The following ATP13A5 variants were observed in gnomAD, a reference collection of about 807,000 sequenced individuals.
The protein encoded by ATP13A5 is ATPase 13A5.
A neutral mutation model predicts 150.2 loss-of-function variants in ATP13A5; 149 were observed. That is an observed-to-expected ratio of 0.99 (90% confidence interval 0.87 to 1.14). The LOEUF (loss-of-function observed/expected upper bound fraction) is 1.14. Among genes scored for constraint, ATP13A5 ranks in the 50% most tolerant of loss-of-function variants. The pLI is 0.00. For missense variants in ATP13A5, 1,383 were observed against 1,449.3 expected, an observed-to-expected ratio of 0.95 and a Z score of 0.74; for synonymous variants, 497 against 522.2, an observed-to-expected ratio of 0.95 and a Z score of 0.66.
chr3:193,366,500 T>C (rs1476493587), intron 1 of ATP13A5, among the ~76,000 whole-genome samples: 1 of 151,930 alleles, frequency 6.6e-6, no homozygotes, highest in Non-Finnish European at 1.5e-5. Flanking sequence ...AAAAATACTA[T>C]GAGAGCAAAG....
rs1002434740 is a variant in ATP13A5 at position 193,274,839 on chromosome 3, A to AT, written c.*202dup. The AT allele has an allele frequency of 8.4e-5, 56 of 663,328 alleles. No homozygotes were observed. Among genetic ancestry groups the AT allele is most frequent in the Middle Eastern group, 8.5e-4 (2 of 2,350 alleles). 41.1% of individuals were successfully genotyped at this position (663,328 alleles called of 1,614,324 possible). Reference sequence around the variant, plus strand: ...TTGAAAAGGATGATACAGGAAATGCATTTTTTTCTCTCATTGGTAAAGCAT... The same window carrying AT: ...TTGAAAAGGATGATACAGGAAATGCATTTTTTTTCTCTCATTGGTAAAGCAT... On this transcript the variant is annotated 3_prime_UTR_variant, in exon 30 of 30. Coordinates refer to ENST00000342358, the MANE Select transcript of ATP13A5 (RefSeq NM_198505.4).
At chr3:193,349,757 C>A (rs1315795734) in intron 7 of ATP13A5, among the ~76,000 whole-genome samples, 4 of 152,016 alleles carry the variant, frequency 2.6e-5, no homozygotes, top group Admixed American at 2.6e-4. Context: ...ACTCCAGAAA[C>A]TGATGAATCC....
chr3:193,317,211 G>T (rs974921116), intron 17 of ATP13A5, among the ~76,000 whole-genome samples: 8 of 152,138 alleles, frequency 5.3e-5, no homozygotes. Context: ...TTAAATGTCT[G>T]TTAAAATGTT....
chr3:193,362,773 C>A (rs1203199316), intron 3 of ATP13A5, 136 bp from the exon 4 acceptor site: 1 of 441,534 alleles, frequency 2.3e-6, no homozygotes, highest in Non-Finnish European at 4.0e-6. Context: ...TTCTTTCTTT[C>A]TTTCTTTCTT....
In ATP13A5 at chr3:193,335,114, AT is replaced by A. The variant is rs773835663; in HGVS notation, c.944-16del. 8.7e-6 allele frequency: 14 copies of A among 1,612,402 alleles called. No homozygotes were observed. The African/African-American group carries it at 1.2e-4, about 14-fold the overall frequency. On this transcript the variant is annotated splice_polypyrimidine_tract_variant and intron_variant, in intron 9 of 29. Coordinates refer to ENST00000342358, the MANE Select transcript of ATP13A5 (RefSeq NM_198505.4). ...TATACTTTCTCCTAAAGAGGATTGT[AT>A]TTTGTTGAATCTATGTAAGCTCAGG... is the stretch of plus-strand genomic sequence containing the variant.
At chr3:193,356,417 A>C (rs753069125) in intron 5 of ATP13A5, among the ~76,000 whole-genome samples, 7 of 152,172 alleles carry the variant, frequency 4.6e-5, no homozygotes, top group African/African-American at 1.7e-4. Flanking sequence ...CACTCTTCTC[A>C]TCTGTAAAAG....
At chr3:193,375,567 T>C (rs1472149202) in intron 1 of ATP13A5, among the ~76,000 whole-genome samples, 3 of 151,966 alleles carry the variant, frequency 2.0e-5, no homozygotes, top group African/African-American at 4.8e-5. Flanking sequence ...AGCTAGATAG[T>C]AGTGAGGAGG....
At chr3:193,300,401 C>A (rs1718353470) in intron 24 of ATP13A5, among the ~76,000 whole-genome samples, 1 of 152,132 alleles carries the variant, frequency 6.6e-6, no homozygotes, top group African/African-American at 2.4e-5. Flanking sequence ...GGTTTTCTGA[C>A]TCCCAGTCCA....
chr3:193,277,178 T>A (rs1560109324), intron 28 of ATP13A5, among the ~76,000 whole-genome samples: 1 of 152,196 alleles, frequency 6.6e-6, no homozygotes. Flanking sequence ...ATTAAATCAT[T>A]CATCAAATAA....
At chr3:193,356,839 AGT>A (rs3053150) in intron 5 of ATP13A5, among the ~76,000 whole-genome samples, 82,602 of 151,510 alleles carry the variant, frequency 0.55, 22,730 homozygotes, top group African/African-American at 0.62. Flanking sequence ...TTTGAGACGG[AGT>A]GTCTTGCTCT....
In ATP13A5 at chr3:193,285,135, T is replaced by G. The variant is rs746243098; in HGVS notation, c.3024-19A>C. 10 of 1,596,614 alleles carry G rather than the reference T, an allele frequency of 6.3e-6. No individual in the cohort carries two copies. The South Asian group carries it at 1.1e-4, about 18-fold the overall frequency. On this transcript the variant is annotated intron_variant, in intron 26 of 29. Transcript: ENST00000342358. Reference sequence around the variant, plus strand: ...ACACTCACTACAAAAGAATCACCAGTGTTTATGAAACATTTGATTCCATTT... The same window carrying G: ...ACACTCACTACAAAAGAATCACCAGGGTTTATGAAACATTTGATTCCATTT...
At chr3:193,347,940 C>T (rs1712410422) in intron 7 of ATP13A5, among the ~76,000 whole-genome samples, 1 of 152,132 alleles carries the variant, frequency 6.6e-6, no homozygotes, top group South Asian at 2.1e-4. Context: ...GTGAGTCAGG[C>T]AGTAGAGAGA....
intron 16 of ATP13A5, 40 bp downstream of exon 16, chr3:193,321,641 C>G: frequency 6.2e-7 from 1 of 1,604,518 alleles, no homozygotes; most frequent in Non-Finnish European, 8.5e-7. Context: ...AAAGAAAAAA[C>G]AAAAGTATTT....
chr3:193,278,805 C>A (rs546180963), intron 28 of ATP13A5, among the ~76,000 whole-genome samples: 1 of 152,298 alleles, frequency 6.6e-6, no homozygotes, highest in South Asian at 2.1e-4. Flanking sequence ...CACAACAAAT[C>A]TATGACTCGG....
At chr3:193,293,630 T>C (rs1429495275) in intron 25 of ATP13A5, among the ~76,000 whole-genome samples, 1 of 152,078 alleles carries the variant, frequency 6.6e-6, no homozygotes, top group South Asian at 2.1e-4. Flanking sequence ...GGCTATCTCG[T>C]AGTTGTGTTT....
At chr3:193,284,545 T>C (rs1577323714) in intron 27 of ATP13A5, among the ~76,000 whole-genome samples, 1 of 152,152 alleles carries the variant, frequency 6.6e-6, no homozygotes. Context: ...GATGAGGAAA[T>C]AAGGTCATAG....
chr3:193,313,500 C>G (rs908424964), intron 19 of ATP13A5: 5 of 152,420 alleles, frequency 3.3e-5, no homozygotes, highest in African/African-American at 1.2e-4. Flanking sequence ...AGCTTTCTAT[C>G]TAGAAAAGCC....
Position 193,311,956 on chromosome 3 carries a change from G to T in ATP13A5, c.2320-15C>A. 1.9e-6 allele frequency: 3 copies of T among 1,612,910 alleles called. No individual in the cohort carries two copies. Among genetic ancestry groups the T allele is most frequent in the East Asian group, 4.5e-5 (2 of 44,840 alleles). On this transcript the variant is annotated splice_polypyrimidine_tract_variant and intron_variant, in intron 19 of 29. Coordinates refer to ENST00000342358, the MANE Select transcript of ATP13A5 (RefSeq NM_198505.4). The stretch of plus-strand genomic sequence containing the variant: ...ATGTAGATTTCCTAAAATCAAAAGG[G>T]CATCATTTCTACATTGACTCCTAAG...
At chr3:193,347,173 T>C (rs1270905656) in intron 7 of ATP13A5, among the ~76,000 whole-genome samples, 1 of 152,178 alleles carries the variant, frequency 6.6e-6, no homozygotes, top group Admixed American at 6.6e-5. Flanking sequence ...ATAGAAGAAA[T>C]ACACATGGTA....
Sources: gnomAD v4.1 joint callset for allele counts (sites outside exome capture counted in the v4.1 genomes callset) on GRCh38, gnomAD v4.1.1 for gene constraint, MANE v1.5 for transcripts, NCBI Gene and HGNC (gene_info 2026-07-23, HGNC 2026-07-21) for gene names.